The following AQP2 variants were observed in gnomAD, a reference collection of about 807,000 sequenced individuals.
AQP2 encodes aquaporin 2, also known as aquaporin-2.
In AQP2, 20 loss-of-function variants were observed where a neutral mutation model predicts 21.6. That is an observed-to-expected ratio of 0.92 (90% CI 0.65 to 1.34). The LOEUF is 1.34. Among genes scored for constraint, AQP2 ranks in the 40% most tolerant of loss-of-function variants. The probability of loss-of-function intolerance (pLI) is 0.00; values close to 1 mark genes in which losing one functional copy is unlikely to be tolerated. For synonymous variants in AQP2, 168 were observed against 166.9 expected (o/e 1.01, Z -0.05); for missense variants, 325 against 363.4 (o/e 0.89, Z 0.86).
At position 49,954,274 on chromosome 12, in the gene AQP2, T is replaced by TGC. The variant is rs754172819; in HGVS notation, c.481_482dup (p.Ile164ProfsTer2). The TGC allele has an allele frequency of 6.2e-7, 1 of 1,609,114 alleles. No homozygotes were observed. Among genetic ancestry groups the TGC allele is most frequent in the Non-Finnish European group, 8.5e-7 (1 of 1,179,968 alleles). On this transcript the variant is annotated frameshift_variant, in exon 2 of 4. Coordinates refer to ENST00000199280, the MANE Select transcript of AQP2 (RefSeq NM_000486.6). LOFTEE classifies it high-confidence loss of function. ...GCCGCGGAGAGAACCCGGGCACCCC[T>TGC]GCTCTCTCCATAGGCTTCTCTGTGG...
rs775148085 is a variant in AQP2, at chr12:49,950,872, C to T, written c.42C>T (p.Phe14=). ...CCATAGCCTTCTCCAGGGCTGTGTT[C>T]GCAGAGTTCCTGGCCACACTCCTCT... ...LRSIAFSRAV[F]AEFLATLLFV... is the part of the protein sequence containing the mutation. Residue 14 remains phenylalanine, a synonymous_variant, in exon 1 of 4, where the codon TTC becomes TTT. Coordinates refer to ENST00000199280, the MANE Select transcript of AQP2 (RefSeq NM_000486.6). The T allele has an allele frequency of 1.1e-5, 17 of 1,613,362 alleles. No homozygotes were observed. Among genetic ancestry groups the T allele is most frequent in the Non-Finnish European group, 1.4e-5 (16 of 1,179,462 alleles).
At chr12:49,953,621 C>T (rs971802962) in intron 1 of AQP2, among the ~76,000 whole-genome samples, 9 of 151,862 alleles carry the variant, frequency 5.9e-5, no homozygotes, top group Non-Finnish European at 1.0e-4. Context: ...AGGTAGATTC[C>T]GGACTCATAG....
intron 2 of AQP2, 131 bp from the exon 3 acceptor site, chr12:49,954,499 A>G (rs1234883690): frequency 7.7e-7 from 1 of 1,292,404 alleles, no homozygotes; most frequent in Non-Finnish European, 1.1e-6. Flanking sequence ...CCATCTGTAA[A>G]TAAAACGTGA....
rs143147485 is a variant in AQP2 at position 49,952,856 on chromosome 12, G to T, written c.361-1299G>T. On this transcript the variant is annotated intron_variant, in intron 1 of 3. Transcript: ENST00000199280. Reference sequence around the variant, plus strand: ...TGTCCTTTGAGGACACTGAGAGCCAGCCTGGCCACCAGGAAGTTAATCATT... The same window carrying T: ...TGTCCTTTGAGGACACTGAGAGCCATCCTGGCCACCAGGAAGTTAATCATT... Among the ~76,000 whole-genome samples the T allele has an allele frequency of 9.5e-4, 145 of 152,350 alleles. 1 individual carries two copies. The highest frequency in any genetic ancestry group is 3.3e-3 in the African/African-American group (137 of 41,578).
rs2137147926 is a variant in AQP2 at position 49,954,617 on chromosome 12, C to T, written c.526-13C>T. The stretch of plus-strand genomic sequence containing the variant: ...ACCTCCCTTCTCTCTTTGATGCCCT[C>T]CTCCCACTGCAGATCCATTACACCG... On this transcript the variant is annotated splice_polypyrimidine_tract_variant and intron_variant, in intron 2 of 3. Transcript: ENST00000199280. 4 of 1,614,064 alleles carry T rather than the reference C, an allele frequency of 2.5e-6. No homozygotes were observed. Among genetic ancestry groups the T allele is most frequent in the South Asian group, 1.1e-5 (1 of 91,076 alleles).
At position 49,957,548 on chromosome 12, in the gene AQP2, G is replaced by C. The variant is rs1455491159; in HGVS notation, c.*1940G>C. ...CCATCCAAGAAAGACAGTGTATAAG[G>C]AACATCTCTGTAATTGTGTCCCCTC... On this transcript the variant is annotated 3_prime_UTR_variant, in exon 4 of 4. Coordinates refer to ENST00000199280, the MANE Select transcript of AQP2 (RefSeq NM_000486.6). The C allele has an allele frequency of 6.6e-6, 1 of 152,174 alleles. No homozygotes were observed. The highest frequency in any genetic ancestry group is 1.5e-5 in the Non-Finnish European group (1 of 68,072). 9.4% of individuals were successfully genotyped at this position (152,174 alleles called of 1,614,324 possible).
chr12:49,954,964 C>T (rs1947356209), intron 3 of AQP2, among the ~76,000 whole-genome samples: 1 of 152,178 alleles, frequency 6.6e-6, no homozygotes, highest in South Asian at 2.1e-4. Context: ...ACCGGTGTAA[C>T]CCAGATAATG....
At chr12:49,953,186 C>T (rs1249314133) in intron 1 of AQP2, among the ~76,000 whole-genome samples, 3 of 152,146 alleles carry the variant, frequency 2.0e-5, no homozygotes, top group Non-Finnish European at 2.9e-5. Context: ...CATTGGACAA[C>T]AATAGGAGGG....
In AQP2 at chr12:49,956,261, T is replaced by A; in HGVS notation, c.*653T>A. 1 of 152,734 alleles carries A rather than the reference T, an allele frequency of 6.5e-6. No individual in the cohort carries two copies. Among genetic ancestry groups the A allele is most frequent in the Non-Finnish European group, 1.5e-5 (1 of 68,374 alleles). 9.5% of individuals were successfully genotyped at this position (152,734 alleles called of 1,614,324 possible). A position where few individuals can be genotyped will look rare whatever the true frequency, so the allele number is the denominator to read the frequency against. On this transcript the variant is annotated 3_prime_UTR_variant, in exon 4 of 4. Transcript: ENST00000199280. The stretch of plus-strand genomic sequence containing the variant: ...CTTTGAGAGGGCTGAAGGGAGGGCC[T>A]TGATTTCCAGCCGCAATCTGGCTCC...
At chr12:49,951,928 C>G (rs34119994) in intron 1 of AQP2, 28,013 of 152,294 alleles carry the variant, frequency 0.18, 2,874 homozygotes, top group East Asian at 0.36. Context: ...CTCTGTACCC[C>G]CATCCTAAGC....
intron 1 of AQP2, 31 bp from the exon 2 acceptor site, chr12:49,954,124 G>A: frequency 1.3e-6 from 2 of 1,597,356 alleles, no homozygotes; most frequent in South Asian, 2.2e-5. Context: ...TGGGCTCAGT[G>A]TTCCCCTACC....
At chr12:49,955,342 G>C in intron 3 of AQP2, 57 bp from the exon 4 acceptor site, 4 of 1,567,044 alleles carry the variant, frequency 2.6e-6, no homozygotes, top group Non-Finnish European at 3.5e-6. Flanking sequence ...GGGGCCTGCG[G>C]GCTCCGCGTG....
intron 1 of AQP2, chr12:49,951,489 G>GCTATA: frequency 2.3e-6 from 1 of 433,420 alleles, no homozygotes; most frequent in African/African-American, 1.9e-5. Context: ...TGAAGACAGG[G>GCTATA]CTATACCTCA....
Position 49,958,606 on chromosome 12 carries a change from GA to G in AQP2, c.*2999del, listed in dbSNP as rs1405838104. Reference sequence around the variant, plus strand: ...AGGCAGGGCAGCATGGAGACAGGTAGACAGACCTCCAGGTCCCTAAGCTGGG... The same window carrying G: ...AGGCAGGGCAGCATGGAGACAGGTAGCAGACCTCCAGGTCCCTAAGCTGGG... On this transcript the variant is annotated 3_prime_UTR_variant, in exon 4 of 4. Coordinates refer to ENST00000199280, the MANE Select transcript of AQP2 (RefSeq NM_000486.6). The G allele has an allele frequency of 6.6e-6, 1 of 152,318 alleles. No homozygotes were observed. The allele number at this position is 152,318 out of a possible 1,614,324, so 9.4% of individuals were successfully genotyped here.
At chr12:49,953,781 G>C (rs970508011) in intron 1 of AQP2, among the ~76,000 whole-genome samples, 1 of 152,178 alleles carries the variant, frequency 6.6e-6, no homozygotes, top group Non-Finnish European at 1.5e-5. Context: ...CCTGCTAACC[G>C]GCCCAAAGCT....
chr12:49,954,243 A>G lies in AQP2; in HGVS notation c.449A>G (p.Asp150Gly). Residue 150 changes from aspartate to glycine, a missense_variant, in exon 2 of 4, where the codon GAT (aspartate) becomes GGT (glycine). Physicochemically the swap from Asp to Gly is moderately conservative, Grantham distance 94. Transcript: ENST00000199280. The stretch of plus-strand genomic sequence containing the variant: ...GTGCTCTGCATCTTCGCCTCCACCG[A>G]TGAGCGCCGCGGAGAGAACCCGGGC... ...QLVLCIFAST[D>G]ERRGENPGTP... 1 of 1,606,494 alleles carries G rather than the reference A, an allele frequency of 6.2e-7. No individual in the cohort carries two copies. The highest frequency in any genetic ancestry group is 8.5e-7 in the Non-Finnish European group (1 of 1,179,980).
At position 49,957,628 on chromosome 12, in the gene AQP2, A is replaced by G. The variant is rs1592818051; in HGVS notation, c.*2020A>G. On this transcript the variant is annotated 3_prime_UTR_variant, in exon 4 of 4. Coordinates refer to ENST00000199280, the MANE Select transcript of AQP2 (RefSeq NM_000486.6). ...CCAAAGCTCTCTTTGAGGTCCAAAA[A>G]AGGCTGCCCTGGGCCATATGTGCTA... is the stretch of plus-strand genomic sequence containing the variant. The G allele has an allele frequency of 6.6e-6, 1 of 152,262 alleles. No homozygotes were observed. Among genetic ancestry groups the G allele is most frequent in the Non-Finnish European group, 1.5e-5 (1 of 68,104 alleles). 9.4% of individuals were successfully genotyped at this position (152,262 alleles called of 1,614,324 possible). A position where few individuals can be genotyped will look rare whatever the true frequency, so the allele number is the denominator to read the frequency against.
At chr12:49,951,284 G>GGGAGAGAGATGGAGACAGAGGC in intron 1 of AQP2, 94 bp downstream of exon 1, 1 of 1,458,476 alleles carries the variant, frequency 6.9e-7, no homozygotes, top group South Asian at 1.4e-5. Context: ...GGGTGATGTA[G>GGGAGAGAGATGGAGACAGAGGC]GGAGAGAGAT....
rs111434100 is a variant in AQP2 at position 49,955,170 on chromosome 12, G to A, written c.607-229G>A. On this transcript the variant is annotated intron_variant, in intron 3 of 3. Coordinates refer to ENST00000199280, the MANE Select transcript of AQP2 (RefSeq NM_000486.6). ...TTGAAGTGCACACAGCACTTAAGTG[G>A]TGGAATCAGGACACACACAGGCAGT... 4.3e-3 allele frequency among the ~76,000 whole-genome samples: 658 copies of A among 152,334 alleles called. 5 individuals are homozygous for A. The highest frequency in any genetic ancestry group is 0.015 in the African/African-American group (638 of 41,574).
Sources: allele counts gnomAD v4.1 joint callset (sites outside exome capture counted in the v4.1 genomes callset), GRCh38; gene constraint gnomAD v4.1.1; transcripts MANE v1.5; gene names NCBI Gene and HGNC (gene_info 2026-07-23, HGNC 2026-07-21).